Variants in PDE10A observed in about 807,000 individuals in gnomAD.
PDE10A encodes the protein cAMP and cAMP-inhibited cGMP 3',5'-cyclic phosphodiesterase 10A.
PDE10A carries 39 observed loss-of-function variants against 97.7 expected under a neutral mutation model. The observed-to-expected ratio is 0.40, with a 90% CI of 0.31 to 0.52. The LOEUF (loss-of-function observed/expected upper bound fraction) is 0.52, where lower values mean the gene tolerates loss of function less well. Among genes scored for constraint, PDE10A ranks in the 20% least tolerant of loss-of-function variants. The pLI is 0.56. For missense variants in PDE10A, 731 were observed against 1,047.8 expected, an observed-to-expected ratio of 0.70 and a Z score of 4.17; for synonymous variants, 371 against 376.8, an observed-to-expected ratio of 0.98 and a Z score of 0.18.
At chr6:165,773,855 G>A (rs756293) in intron 1 of PDE10A, among the ~76,000 whole-genome samples, 32,849 of 151,852 alleles carry the variant, frequency 0.22, 3,953 homozygotes, top group East Asian at 0.47. Flanking sequence ...CATTTACAAT[G>A]GTGAAAAATA....
In PDE10A at chr6:165,392,674, T is replaced by A. The variant is rs781364504; in HGVS notation, c.2426A>T (p.Asn809Ile). The change falls in exon 16 of 22, where the codon AAC (asparagine) becomes ATC (isoleucine). Residue 809 changes from asparagine to isoleucine, a missense_variant. Asn to Ile is a moderately radical substitution (Grantham distance 149). Coordinates refer to ENST00000539869, the MANE Select transcript of PDE10A (RefSeq NM_001385079.1). ...AAGGTCTGTGAAAAGCGTGTGATTG[T>A]TCTGAAGTATGGCATACATGCAGTG... ...VAHCMYAILQ[N>I]NHTLFTDLER... 6.2e-7 allele frequency: 1 copy of A among 1,614,064 alleles called. No individual in the cohort carries two copies. The highest frequency in any genetic ancestry group is 8.5e-7 in the Non-Finnish European group (1 of 1,179,928).
At chr6:165,603,765 G>T (rs1787079783) in intron 1 of PDE10A, among the ~76,000 whole-genome samples, 1 of 152,216 alleles carries the variant, frequency 6.6e-6, no homozygotes, top group Non-Finnish European at 1.5e-5. Flanking sequence ...GTTCAATGAC[G>T]TATGTGTTAT....
intron 1 of PDE10A, among the ~76,000 whole-genome samples, chr6:165,680,628 G>A (rs1246092144): frequency 2.6e-5 from 4 of 152,186 alleles, no homozygotes; most frequent in Non-Finnish European, 4.4e-5. Context: ...TACCAGCCAG[G>A]AGCGGGGGCT....
chr6:165,798,407 C>T lies in PDE10A; in HGVS notation c.-615+189122G>A, dbSNP rs1230997708. Among the ~76,000 whole-genome samples the T allele has an allele frequency of 2.6e-5, 4 of 152,112 alleles. No individual in the cohort carries two copies. The East Asian group carries it at 5.8e-4, about 22-fold the overall frequency. ...TCCTGTTGCAAGACCCACTGGGTCC[C>T]GGTGCTAAGTCATTCTGTCCTTCTG... On this transcript the variant is annotated intron_variant, in intron 1 of 19. Coordinates refer to the PDE10A transcript ENST00000366882.
chr6:165,827,172 A>G (rs115783899), intron 1 of PDE10A, among the ~76,000 whole-genome samples: 2,343 of 152,256 alleles, frequency 0.015, 62 homozygotes, highest in African/African-American at 0.052. Context: ...GCTCAGGTGG[A>G]GCGCGGAGGC....
At chr6:165,451,241 C>CA (rs1295783689) in intron 3 of PDE10A, among the ~76,000 whole-genome samples, 1 of 152,160 alleles carries the variant, frequency 6.6e-6, no homozygotes, top group Admixed American at 6.5e-5. Flanking sequence ...ATCATGGCAC[C>CA]AGTGGAAACA....
intron 2 of PDE10A, among the ~76,000 whole-genome samples, chr6:165,513,252 T>C: frequency 1.3e-5 from 2 of 152,170 alleles, no homozygotes; most frequent in South Asian, 4.1e-4. Flanking sequence ...TTTATAGTTA[T>C]TGTTTATATA....
intron 1 of PDE10A, among the ~76,000 whole-genome samples, chr6:165,732,163 C>T: frequency 6.6e-6 from 1 of 152,220 alleles, no homozygotes; most frequent in East Asian, 1.9e-4. Context: ...AGCTGGCTTT[C>T]TTACGAGAAC....
intron 1 of PDE10A, among the ~76,000 whole-genome samples, chr6:165,695,057 A>T (rs1240776847): frequency 6.6e-6 from 1 of 152,210 alleles, no homozygotes; most frequent in East Asian, 1.9e-4. Flanking sequence ...CCCCGGAAGT[A>T]AACAATTTTC....
At chr6:165,804,624 C>T (rs989739328) in intron 1 of PDE10A, among the ~76,000 whole-genome samples, 4 of 152,108 alleles carry the variant, frequency 2.6e-5, no homozygotes, top group Admixed American at 2.6e-4. Context: ...AAACCTGGGG[C>T]CCTGGAAACC....
chr6:165,445,381 G>A (rs1260928081), intron 5 of PDE10A, among the ~76,000 whole-genome samples: 1 of 152,184 alleles, frequency 6.6e-6, no homozygotes, highest in Admixed American at 6.5e-5. Context: ...GAGGTAACCA[G>A]ATCCCAAAGC....
At chr6:165,464,240 C>G (rs1424307356) in intron 3 of PDE10A, among the ~76,000 whole-genome samples, 1 of 152,114 alleles carries the variant, frequency 6.6e-6, no homozygotes. Flanking sequence ...TGATAATTGT[C>G]ATTCTGCATG....
chr6:165,402,523 C>T (rs531245993), intron 13 of PDE10A, among the ~76,000 whole-genome samples: 2 of 152,118 alleles, frequency 1.3e-5, no homozygotes, highest in Non-Finnish European at 2.9e-5. Context: ...TTTTTAGGTG[C>T]ATTTTGTATA....
chr6:165,958,791 C>T (rs1235088461), intron 1 of PDE10A, among the ~76,000 whole-genome samples: 2 of 149,502 alleles, frequency 1.3e-5, no homozygotes, highest in Admixed American at 6.7e-5. Context: ...CCATGCCTCC[C>T]GACTCATGTC....
At chr6:165,453,965 G>C (rs1373202251) in intron 3 of PDE10A, among the ~76,000 whole-genome samples, 1 of 152,222 alleles carries the variant, frequency 6.6e-6, no homozygotes, top group Non-Finnish European at 1.5e-5. Context: ...AAAATCATAA[G>C]GGCAAGGATA....
intron 1 of PDE10A, among the ~76,000 whole-genome samples, chr6:165,938,759 A>AAC (rs138143248): frequency 0.039 from 5,879 of 149,970 alleles, 320 homozygotes; most frequent in African/African-American, 0.13. Flanking sequence ...AAAACAAAAC[A>AAC]ACACACACAC....
intron 13 of PDE10A, among the ~76,000 whole-genome samples, chr6:165,408,939 G>A (rs567369536): frequency 1.6e-3 from 247 of 151,998 alleles, no homozygotes; most frequent in Non-Finnish European, 2.5e-3. Context: ...GCCGAGGCGG[G>A]CGGATCACGA....
intron 1 of PDE10A, among the ~76,000 whole-genome samples, chr6:165,935,849 G>A (rs1175062192): frequency 2.0e-5 from 3 of 152,292 alleles, no homozygotes; most frequent in African/African-American, 7.2e-5. Flanking sequence ...CTTCCACCAT[G>A]GGATGACACA....
intron 13 of PDE10A, among the ~76,000 whole-genome samples, chr6:165,400,233 T>G (rs2128220246): frequency 6.6e-6 from 1 of 151,598 alleles, no homozygotes. Flanking sequence ...ACTATAAAAC[T>G]TCTAGAAAAA....
Sources: gnomAD v4.1 joint callset for allele counts (sites outside exome capture counted in the v4.1 genomes callset) on GRCh38, gnomAD v4.1.1 for gene constraint, MANE v1.5 for transcripts, NCBI Gene and HGNC (gene_info 2026-07-23, HGNC 2026-07-21) for gene names.